TRDN: variants seen among roughly 807,000 people sequenced by gnomAD.
The protein encoded by TRDN is triadin, also known as triadin in skeletal muscle.
In TRDN, 161 loss-of-function variants were observed where a neutral mutation model predicts 149.7. The observed-to-expected ratio is 1.08, with a 90% CI of 0.95 to 1.23. The LOEUF is 1.23. TRDN is among the 50% of genes most tolerant of loss of function. The pLI is 0.00. For missense variants in TRDN, 896 were observed against 823.5 expected, an observed-to-expected ratio of 1.09 and a Z score of -1.08; for synonymous variants, 294 against 250.5, an observed-to-expected ratio of 1.17 and a Z score of -1.64.
At position 123,383,512 on chromosome 6, in the gene TRDN, T is replaced by C. The variant is rs551954067; in HGVS notation, c.1136-1365A>G. Reference sequence around the variant, plus strand: ...GATATTGCTTTGTGTCTCTCAGTAATGGGCATATTAAACACTACCCTCTGA... The same window carrying C: ...GATATTGCTTTGTGTCTCTCAGTAACGGGCATATTAAACACTACCCTCTGA... On this transcript the variant is annotated intron_variant, in intron 14 of 40. Coordinates refer to ENST00000334268, the MANE Select transcript of TRDN (RefSeq NM_006073.4). 8.5e-5 allele frequency among the ~76,000 whole-genome samples: 13 copies of C among 152,140 alleles called. No individual in the cohort carries two copies. The South Asian group carries it at 1.5e-3, about 17-fold the overall frequency.
intron 7 of TRDN, 97 bp downstream of exon 7, chr6:123,512,206 G>T: frequency 1.5e-6 from 1 of 676,912 alleles, no homozygotes; most frequent in Non-Finnish European, 2.4e-6. Context: ...TAATATAAAT[G>T]ATAAAAGTTT....
intron 1 of TRDN, among the ~76,000 whole-genome samples, chr6:123,635,695 A>G (rs1786274722): frequency 6.6e-6 from 1 of 151,854 alleles, no homozygotes; most frequent in African/African-American, 2.4e-5. Flanking sequence ...CAAATATTCT[A>G]TTTTTCAGTT....
At chr6:123,339,149 C>T (rs1243831089) in intron 21 of TRDN, among the ~76,000 whole-genome samples, 2 of 151,898 alleles carry the variant, frequency 1.3e-5, no homozygotes, top group East Asian at 3.9e-4. Flanking sequence ...GGATTACAGG[C>T]ACCCACCAGC....
intron 12 of TRDN, among the ~76,000 whole-genome samples, chr6:123,411,142 G>T (rs1298541044): frequency 6.6e-5 from 10 of 151,174 alleles, no homozygotes; most frequent in African/African-American, 1.9e-4. Flanking sequence ...CACCTCCTGG[G>T]TTCAAGCGAT....
chr6:123,308,220 C>T (rs190708171), intron 24 of TRDN, among the ~76,000 whole-genome samples: 6 of 152,074 alleles, frequency 3.9e-5, no homozygotes, highest in African/African-American at 1.4e-4. Context: ...CATAGTATTC[C>T]ATCATGTAGT....
chr6:123,262,039 T>A (rs958962477), intron 33 of TRDN, among the ~76,000 whole-genome samples: 2 of 151,946 alleles, frequency 1.3e-5, no homozygotes, highest in Non-Finnish European at 2.9e-5. Context: ...AATGCTCAAT[T>A]TTTAATCCAG....
chr6:123,589,305 T>C (rs1008537798), intron 1 of TRDN, among the ~76,000 whole-genome samples: 2 of 152,224 alleles, frequency 1.3e-5, no homozygotes. Context: ...TCAGTTCATT[T>C]GGGAAATTAA....
chr6:123,239,453 A>C (rs183046167), intron 38 of TRDN, among the ~76,000 whole-genome samples: 47 of 152,278 alleles, frequency 3.1e-4, no homozygotes, highest in East Asian at 7.7e-4. Context: ...GCAAAGACAC[A>C]ATCTTCTCAA....
At chr6:123,273,243 T>C (rs1777262948) in intron 28 of TRDN, 94 bp downstream of exon 28, 2 of 949,332 alleles carry the variant, frequency 2.1e-6, no homozygotes, top group Non-Finnish European at 3.0e-6. Flanking sequence ...AAAACATAAA[T>C]ATAAAAGCAC....
chr6:123,377,587 GA>G, intron 18 of TRDN, 128 bp downstream of exon 18: 2 of 1,114,690 alleles, frequency 1.8e-6, no homozygotes, highest in Non-Finnish European at 2.6e-6. Context: ...CAAGAACTTG[GA>G]AAAAACACTG....
chr6:123,563,339 A>C (rs1044856945), intron 2 of TRDN, among the ~76,000 whole-genome samples: 8 of 152,202 alleles, frequency 5.3e-5, no homozygotes, highest in African/African-American at 1.9e-4. Flanking sequence ...CGGGCACTTT[A>C]TATTTCAAAG....
intron 1 of TRDN, among the ~76,000 whole-genome samples, chr6:123,627,176 C>A (rs1785721058): frequency 6.6e-6 from 1 of 152,054 alleles, no homozygotes; most frequent in African/African-American, 2.4e-5. Flanking sequence ...GTGATCCACC[C>A]ACCTTGGCCT....
intron 38 of TRDN, among the ~76,000 whole-genome samples, chr6:123,235,680 T>A (rs1164875969): frequency 6.6e-6 from 1 of 152,078 alleles, no homozygotes; most frequent in Non-Finnish European, 1.5e-5. Flanking sequence ...ACAACCAAAA[T>A]CACCTCCAAA....
At chr6:123,325,393 T>C (rs911167061) in intron 23 of TRDN, among the ~76,000 whole-genome samples, 12 of 152,102 alleles carry the variant, frequency 7.9e-5, no homozygotes, top group African/African-American at 2.9e-4. Context: ...AATACTAATG[T>C]TGATTACTAA....
rs185579027 is a variant in TRDN, at chr6:123,596,147, A to C, written c.23-25015T>G. 1.6e-4 allele frequency among the ~76,000 whole-genome samples: 24 copies of C among 152,206 alleles called. No individual in the cohort carries two copies. The Middle Eastern group carries it at 0.014, about 86-fold the overall frequency. On this transcript the variant is annotated intron_variant, in intron 1 of 40. Transcript: ENST00000334268. ...TACCCTGGTGAGGACATAAATGATAAAAAAGCAAAACAGCCTTAATGCTGA... is the reference window on the plus strand; with the variant it reads ...TACCCTGGTGAGGACATAAATGATACAAAAGCAAAACAGCCTTAATGCTGA...
intron 12 of TRDN, among the ~76,000 whole-genome samples, chr6:123,409,758 T>C (rs1313443937): frequency 6.6e-6 from 1 of 151,988 alleles, no homozygotes; most frequent in Admixed American, 6.6e-5. Flanking sequence ...CTCAGTATTG[T>C]ATGCCATGTG....
At chr6:123,618,144 A>G (rs1370949695) in intron 1 of TRDN, among the ~76,000 whole-genome samples, 1 of 152,172 alleles carries the variant, frequency 6.6e-6, no homozygotes, top group Non-Finnish European at 1.5e-5. Flanking sequence ...ACACACTGGT[A>G]TATTAGTTTT....
At chr6:123,273,255 G>C in intron 28 of TRDN, 82 bp downstream of exon 28, 1 of 984,254 alleles carries the variant, frequency 1.0e-6, no homozygotes, top group South Asian at 1.8e-5. Context: ...TAAAAGCACA[G>C]GTTGAAAATA....
chr6:123,557,565 A>T (rs1237526640), intron 2 of TRDN, among the ~76,000 whole-genome samples: 2 of 152,038 alleles, frequency 1.3e-5, no homozygotes, highest in Non-Finnish European at 2.9e-5. Flanking sequence ...CATTTTATCC[A>T]TGAACCCAAA....
Sources: gnomAD v4.1 joint callset for allele counts (sites outside exome capture counted in the v4.1 genomes callset) on GRCh38, gnomAD v4.1.1 for gene constraint, MANE v1.5 for transcripts, NCBI Gene and HGNC (gene_info 2026-07-23, HGNC 2026-07-21) for gene names.